Variants in PRCC observed in about 807,000 individuals in gnomAD.
PRCC encodes proline-rich protein PRCC.
A neutral mutation model predicts 44.0 loss-of-function variants in PRCC; 10 were observed. The observed-to-expected ratio is 0.23, with a 90% CI of 0.14 to 0.39. The LOEUF (loss-of-function observed/expected upper bound fraction) is 0.39. PRCC is among the 10% of genes least tolerant of loss of function. The pLI is 1.00. For missense variants in PRCC, 573 were observed against 624.7 expected, an observed-to-expected ratio of 0.92 and a Z score of 0.88; for synonymous variants, 278 against 259.5, an observed-to-expected ratio of 1.07 and a Z score of -0.69.
intron 5 of PRCC, 63 bp from the exon 6 acceptor site, chr1:156,797,213 G>A: frequency 6.2e-7 from 1 of 1,600,480 alleles, no homozygotes; most frequent in South Asian, 1.1e-5. Flanking sequence ...CACACCATCT[G>A]GGCACATGAG....
chr1:156,797,719 C>T (rs1416355525), intron 6 of PRCC, among the ~76,000 whole-genome samples: 1 of 152,118 alleles, frequency 6.6e-6, no homozygotes, highest in East Asian at 1.9e-4. Context: ...GCCAAACATC[C>T]ACCTGATGAA....
intron 6 of PRCC, among the ~76,000 whole-genome samples, chr1:156,797,605 A>G (rs1389050528): frequency 1.3e-5 from 2 of 152,200 alleles, no homozygotes; most frequent in Non-Finnish European, 2.9e-5. Context: ...TATCCAAAAC[A>G]TAATGTAAGA....
At chr1:156,787,223 G>A in intron 3 of PRCC, 49 bp downstream of exon 3, 1 of 1,537,438 alleles carries the variant, frequency 6.5e-7, no homozygotes, top group Non-Finnish European at 8.8e-7. Context: ...GAACATGGTG[G>A]TCAAGGAGAG....
chr1:156,777,795 T>C (rs1406282593), intron 1 of PRCC, among the ~76,000 whole-genome samples: 1 of 151,502 alleles, frequency 6.6e-6, no homozygotes, highest in African/African-American at 2.4e-5. Flanking sequence ...AGTCAGGAAG[T>C]AGAGAATGCA....
At chr1:156,800,124 C>T (rs113219259) in intron 6 of PRCC, among the ~76,000 whole-genome samples, 1 of 152,130 alleles carries the variant, frequency 6.6e-6, no homozygotes, top group Admixed American at 6.5e-5. Flanking sequence ...TTTAATTCTA[C>T]TAGAGGAAGC....
At chr1:156,792,416 A>G (rs920631029) in intron 4 of PRCC, among the ~76,000 whole-genome samples, 2 of 151,778 alleles carry the variant, frequency 1.3e-5, no homozygotes, top group African/African-American at 4.8e-5. Flanking sequence ...ATCTGCTCAT[A>G]TGGCCGTATC....
At position 156,783,212 on chromosome 1, in the gene PRCC, C is replaced by T. The variant is rs188878455; in HGVS notation, c.516+883C>T. Among the ~76,000 whole-genome samples, 73 of 152,258 alleles carry T rather than the reference C, an allele frequency of 4.8e-4. No homozygotes were observed. In the Middle Eastern group the frequency reaches 0.014, roughly 28 times the overall value. ...GAGCCACCGCGCCTGGCCAGTCTGA[C>T]TGTTGAGTCCAAGCTCTTAACTGCT... On this transcript the variant is annotated intron_variant, in intron 2 of 6. Coordinates refer to ENST00000271526, the MANE Select transcript of PRCC (RefSeq NM_005973.5).
At chr1:156,792,053 CTTTTTT>C (rs67388360) in intron 4 of PRCC, among the ~76,000 whole-genome samples, 52 of 58,452 alleles carry the variant, frequency 8.9e-4, no homozygotes, top group South Asian at 5.2e-3. Context: ...TAGTCCCCTT[CTTTTTT>C]TTTTTTTTTT....
At position 156,770,308 on chromosome 1, in the gene PRCC, G is replaced by A. The variant is rs571486578; in HGVS notation, c.468+2069G>A. The stretch of plus-strand genomic sequence containing the variant: ...TGTTCAAGTTGGTCTTTTGGTTCTC[G>A]GAACACATAATTCCTGCAGAAAGGT... On this transcript the variant is annotated intron_variant, in intron 1 of 6. Coordinates refer to ENST00000271526, the MANE Select transcript of PRCC (RefSeq NM_005973.5). Among the ~76,000 whole-genome samples the A allele has an allele frequency of 5.9e-5, 9 of 152,302 alleles. No homozygotes were observed. In the East Asian group the frequency reaches 7.7e-4, roughly 13 times the overall value.
chr1:156,792,422 G>A (rs905279895), intron 4 of PRCC, among the ~76,000 whole-genome samples: 2 of 151,884 alleles, frequency 1.3e-5, no homozygotes, highest in East Asian at 1.9e-4. Flanking sequence ...TCATATGGCC[G>A]TATCTAGTTG....
chr1:156,792,903 G>A (rs1425561725), intron 4 of PRCC, among the ~76,000 whole-genome samples: 1 of 152,178 alleles, frequency 6.6e-6, no homozygotes, highest in Non-Finnish European at 1.5e-5. Context: ...AAATACCGTT[G>A]TGTTTCACAT....
intron 1 of PRCC, among the ~76,000 whole-genome samples, chr1:156,769,838 G>T (rs1651562383): frequency 6.6e-6 from 1 of 152,018 alleles, no homozygotes; most frequent in Non-Finnish European, 1.5e-5. Flanking sequence ...CTGACCTCGT[G>T]ATCCACCCGC....
chr1:156,777,235 C>G (rs1201576586), intron 1 of PRCC, among the ~76,000 whole-genome samples: 1 of 152,094 alleles, frequency 6.6e-6, no homozygotes. Flanking sequence ...AATCTCAGAC[C>G]TGGACAGCAG....
At chr1:156,771,728 G>A (rs1043085448) in intron 1 of PRCC, among the ~76,000 whole-genome samples, 12 of 150,712 alleles carry the variant, frequency 8.0e-5, no homozygotes, top group African/African-American at 1.5e-4. Flanking sequence ...ACGTTGTCTC[G>A]CTACATTGCC....
chr1:156,777,267 G>C (rs554255171), intron 1 of PRCC, among the ~76,000 whole-genome samples: 1 of 152,132 alleles, frequency 6.6e-6, no homozygotes, highest in Non-Finnish European at 1.5e-5. Context: ...TGGTGTTCCC[G>C]CAAAAGCACG....
chr1:156,786,323 G>A (rs1387095160), intron 2 of PRCC, among the ~76,000 whole-genome samples: 3 of 152,142 alleles, frequency 2.0e-5, no homozygotes, highest in Non-Finnish European at 4.4e-5. Context: ...AAGACACAGA[G>A]TTGAGGAAGG....
chr1:156,768,820 C>T (rs1465382212), intron 1 of PRCC, among the ~76,000 whole-genome samples: 1 of 152,116 alleles, frequency 6.6e-6, no homozygotes, highest in East Asian at 1.9e-4. Flanking sequence ...AGGTAACATA[C>T]TATTGTTTTA....
At chr1:156,793,812 G>C (rs775364861) in intron 4 of PRCC, among the ~76,000 whole-genome samples, 6 of 151,930 alleles carry the variant, frequency 3.9e-5, no homozygotes, top group Non-Finnish European at 8.8e-5. Flanking sequence ...TTTTTTTATA[G>C]AGATGGGGTC....
chr1:156,772,433 G>A (rs1651667680), intron 1 of PRCC, among the ~76,000 whole-genome samples: 1 of 152,178 alleles, frequency 6.6e-6, no homozygotes, highest in Non-Finnish European at 1.5e-5. Flanking sequence ...TGGGGAATTA[G>A]GAATGATCCA....
Sources: allele counts gnomAD v4.1 joint callset (sites outside exome capture counted in the v4.1 genomes callset), GRCh38; gene constraint gnomAD v4.1.1; transcripts MANE v1.5; gene names NCBI Gene and HGNC (gene_info 2026-07-23, HGNC 2026-07-21).